The following NKAIN3 variants were observed in gnomAD, a reference collection of about 807,000 sequenced individuals.
NKAIN3 encodes the protein sodium/potassium transporting ATPase interacting 3, also known as sodium/potassium-transporting ATPase subunit beta-1-interacting protein 3.
A neutral mutation model predicts 30.2 loss-of-function variants in NKAIN3; 25 were observed. The observed-to-expected ratio is 0.83, with a 90% CI of 0.60 to 1.16. The LOEUF is 1.16. Ranked by LOEUF, NKAIN3 falls within the 50% of genes most tolerant of loss-of-function variation. The probability of loss-of-function intolerance (pLI) is 0.00; values close to 1 mark genes in which losing one functional copy is unlikely to be tolerated. For synonymous variants in NKAIN3, 91 were observed against 89.6 expected (o/e 1.02, Z -0.09); for missense variants, 225 against 254.1 (o/e 0.89, Z 0.78).
intron 2 of NKAIN3, among the ~76,000 whole-genome samples, chr8:62,586,018 A>C (rs1810460200): frequency 6.6e-6 from 1 of 152,182 alleles, no homozygotes; most frequent in Admixed American, 6.5e-5. Flanking sequence ...AAATTTGTTT[A>C]ACATTTTTTG....
intron 1 of NKAIN3, among the ~76,000 whole-genome samples, chr8:62,333,818 G>A (rs898775492): frequency 4.6e-5 from 7 of 152,020 alleles, no homozygotes; most frequent in African/African-American, 9.7e-5. Flanking sequence ...TTTACAAGTC[G>A]CATTTTGGAG....
In NKAIN3 at chr8:62,852,703, C is replaced by T. The variant is rs185775568; in HGVS notation, c.472-65750C>T. On this transcript the variant is annotated intron_variant, in intron 4 of 6. Transcript: ENST00000623646. ...AACATCTTTATTTCTGCCTTCATTT[C>T]GTTATGTACCCAGTAGTCATTCAGG... 7.4e-3 allele frequency among the ~76,000 whole-genome samples: 1,129 copies of T among 152,176 alleles called. 51 individuals carry two copies. The highest frequency in any genetic ancestry group is 0.067 in the Admixed American group (1,020 of 15,280).
chr8:62,856,123 C>T, intron 4 of NKAIN3: 1 of 716,130 alleles, frequency 1.4e-6, no homozygotes, highest in East Asian at 2.5e-5. Context: ...TCCCCTTTCT[C>T]CATTATAATC....
rs1319248810 is a variant in NKAIN3, at chr8:62,305,598, T to C, written c.54+56471T>C. On this transcript the variant is annotated intron_variant, in intron 1 of 6. Coordinates refer to ENST00000623646, the MANE Select transcript of NKAIN3 (RefSeq NM_001304533.3). ...TTCTAGAAATTATGGAAGCTATCTA[T>C]ACTCTTTCCCTGCATGTCCTTTAAA... Among the ~76,000 whole-genome samples the C allele has an allele frequency of 2.7e-5, 4 of 150,660 alleles. 1 individual carries two copies. The South Asian group carries it at 8.3e-4, about 31-fold the overall frequency.
intron 1 of NKAIN3, among the ~76,000 whole-genome samples, chr8:62,325,427 G>T (rs577350362): frequency 3.3e-5 from 5 of 152,172 alleles, no homozygotes; most frequent in Admixed American, 2.6e-4. Flanking sequence ...ATTGTGAATT[G>T]TGCTGCTATA....
At chr8:62,307,843 G>C (rs954646019) in intron 1 of NKAIN3, among the ~76,000 whole-genome samples, 3 of 150,734 alleles carry the variant, frequency 2.0e-5, no homozygotes, top group Admixed American at 2.0e-4. Flanking sequence ...AGTGGTATCA[G>C]GTTGTGTAGT....
At chr8:62,922,745 A>ATT (rs10714004) in intron 5 of NKAIN3, among the ~76,000 whole-genome samples, 2 of 146,386 alleles carry the variant, frequency 1.4e-5, no homozygotes, top group African/African-American at 5.0e-5. Context: ...CAGTGCATAT[A>ATT]TTTTTTTTTT....
intron 1 of NKAIN3, among the ~76,000 whole-genome samples, chr8:62,282,211 G>A (rs1813222958): frequency 6.6e-6 from 1 of 152,088 alleles, no homozygotes; most frequent in South Asian, 2.1e-4. Flanking sequence ...GAGCTGACAA[G>A]TCTTGAGATG....
At chr8:62,365,640 G>A (rs1816712460) in intron 1 of NKAIN3, among the ~76,000 whole-genome samples, 1 of 152,074 alleles carries the variant, frequency 6.6e-6, no homozygotes, top group Non-Finnish European at 1.5e-5. Flanking sequence ...AAGCTTATCG[G>A]TGTGAAATTG....
intron 5 of NKAIN3, among the ~76,000 whole-genome samples, chr8:62,933,632 T>G (rs1281801384): frequency 6.6e-6 from 1 of 152,168 alleles, no homozygotes; most frequent in African/African-American, 2.4e-5. Context: ...TATTTAAATA[T>G]CATACACTAT....
intron 3 of NKAIN3, among the ~76,000 whole-genome samples, chr8:62,632,540 T>G (rs542481651): frequency 6.6e-5 from 10 of 152,160 alleles, no homozygotes; most frequent in South Asian, 2.1e-4. Context: ...TCTTGCTCTG[T>G]CACTCAGGCT....
intron 1 of NKAIN3, among the ~76,000 whole-genome samples, chr8:62,334,030 G>A (rs1475133006): frequency 6.6e-6 from 1 of 152,076 alleles, no homozygotes; most frequent in Non-Finnish European, 1.5e-5. Context: ...ATATGGAGAA[G>A]CAGCTGAAAT....
chr8:62,993,032 T>C (rs1824353656), intron 5 of NKAIN3, among the ~76,000 whole-genome samples: 3 of 149,368 alleles, frequency 2.0e-5, no homozygotes. Flanking sequence ...CCTAGGATCC[T>C]GAAGGTTTTG....
chr8:62,954,795 T>C (rs2130898031), intron 6 of NKAIN3, among the ~76,000 whole-genome samples: 1 of 152,336 alleles, frequency 6.6e-6, no homozygotes, highest in Non-Finnish European at 1.5e-5. Flanking sequence ...ATTCCCACTT[T>C]ATAAATAAGA....
intron 4 of NKAIN3, chr8:62,863,492 G>A (rs769147233): frequency 2.1e-5 from 32 of 1,540,608 alleles, no homozygotes; most frequent in East Asian, 4.7e-5. Context: ...TTCAGACAAC[G>A]TACTGGGTGG....
intron 1 of NKAIN3, among the ~76,000 whole-genome samples, chr8:62,433,635 A>C (rs1805083357): frequency 6.6e-6 from 1 of 152,142 alleles, no homozygotes; most frequent in South Asian, 2.1e-4. Context: ...TTCTGTGTCC[A>C]GATTATTATA....
At chr8:62,606,900 G>A (rs930292884) in intron 3 of NKAIN3, among the ~76,000 whole-genome samples, 1 of 152,150 alleles carries the variant, frequency 6.6e-6, no homozygotes, top group African/African-American at 2.4e-5. Flanking sequence ...GAGATACTGA[G>A]ACAGTGGGTG....
At chr8:62,797,074 A>T (rs1586205095) in intron 4 of NKAIN3, among the ~76,000 whole-genome samples, 1 of 152,258 alleles carries the variant, frequency 6.6e-6, no homozygotes, top group Admixed American at 6.5e-5. Context: ...TTTCTTCTGT[A>T]TGTGACTTGA....
In NKAIN3 at chr8:62,348,276, C is replaced by G. The variant is rs561607276; in HGVS notation, c.54+99149C>G. ...CTAAGAATAAATTATTCGACTTAAACTATTTGGTCTGTTTTGAAGGAATAC... is the reference window on the plus strand; with the variant it reads ...CTAAGAATAAATTATTCGACTTAAAGTATTTGGTCTGTTTTGAAGGAATAC... On this transcript the variant is annotated intron_variant, in intron 1 of 6. Transcript: ENST00000623646. Among the ~76,000 whole-genome samples the G allele has an allele frequency of 2.6e-5, 4 of 152,160 alleles. No individual in the cohort carries two copies. The East Asian group carries it at 7.7e-4, about 29-fold the overall frequency.
Sources: allele counts gnomAD v4.1 joint callset (sites outside exome capture counted in the v4.1 genomes callset), GRCh38; gene constraint gnomAD v4.1.1; transcripts MANE v1.5; gene names NCBI Gene and HGNC (gene_info 2026-07-23, HGNC 2026-07-21).